The following ZC3H12C variants were observed in gnomAD, a reference collection of about 807,000 sequenced individuals.
The protein encoded by ZC3H12C is zinc finger CCCH-type containing 12C.
Under a neutral mutation model 76.3 loss-of-function variants are expected in ZC3H12C, and 20 were observed. The ratio of observed to expected loss-of-function variants is 0.26; its 90% CI spans 0.18 to 0.38. The LOEUF is 0.38. Ranked by LOEUF, ZC3H12C falls within the 10% of genes least tolerant of loss-of-function variation. The pLI, the probability that ZC3H12C is intolerant of heterozygous loss-of-function variation, is 1.00. For synonymous variants in ZC3H12C, 352 were observed against 399.6 expected (o/e 0.88, Z 1.42); for missense variants, 874 against 1,086.5 (o/e 0.80, Z 2.75).
chr11:110,154,895 A>G (rs1057377977), intron 3 of ZC3H12C, among the ~76,000 whole-genome samples: 4 of 151,578 alleles, frequency 2.6e-5, no homozygotes, highest in African/African-American at 9.7e-5. Flanking sequence ...GGAATAGACA[A>G]CTCCCAGAAT....
intron 1 of ZC3H12C, among the ~76,000 whole-genome samples, chr11:110,118,806 T>A (rs908094818): frequency 6.6e-6 from 1 of 151,912 alleles, no homozygotes. Context: ...CAAAAAAAAT[T>A]AAAATAAAAT....
chr11:110,128,887 A>G (rs1400306595), intron 1 of ZC3H12C, among the ~76,000 whole-genome samples: 2 of 112,902 alleles, frequency 1.8e-5, no homozygotes, highest in Non-Finnish European at 3.6e-5. Flanking sequence ...CACCACCACT[A>G]ACAAAAAAAA....
chr11:110,157,421 A>G (rs1327067122), intron 3 of ZC3H12C, among the ~76,000 whole-genome samples: 3 of 150,682 alleles, frequency 2.0e-5, no homozygotes. Context: ...ACTCATAGAA[A>G]GGTCTGGTCT....
At chr11:110,143,430 G>T (rs1321491418) in intron 2 of ZC3H12C, among the ~76,000 whole-genome samples, 1 of 151,440 alleles carries the variant, frequency 6.6e-6, no homozygotes, top group Non-Finnish European at 1.5e-5. Flanking sequence ...GTATAATCAG[G>T]CCTAAAATAT....
rs35959407 is a variant in ZC3H12C at position 110,164,098 on chromosome 11, CAAAA to C, written c.1256-231_1256-228del. On this transcript the variant is annotated intron_variant, in intron 5 of 5. Coordinates refer to ENST00000278590, the MANE Select transcript of ZC3H12C (RefSeq NM_033390.2). This position sits in a 1 kb window ranked among gnomAD's most constrained non-coding sequence, Gnocchi z 5.7. Reference sequence around the variant, plus strand: ...TGGGTGACAGAGCAAGACCCTGTCTCAAAAAAAAAAAAAAAGTTCTGGAGGTGAT... The same window carrying C: ...TGGGTGACAGAGCAAGACCCTGTCTCAAAAAAAAAAAGTTCTGGAGGTGAT... 7.0e-6 allele frequency among the ~76,000 whole-genome samples: 1 copy of C among 142,968 alleles called. No homozygotes were observed. 93.8% of individuals were successfully genotyped at this position (142,968 alleles called of 152,430 possible).
At chr11:110,117,850 CACAT>C (rs1197143703) in intron 1 of ZC3H12C, among the ~76,000 whole-genome samples, 1 of 123,824 alleles carries the variant, frequency 8.1e-6, no homozygotes. Flanking sequence ...TATACACACA[CACAT>C]ATATATAATA....
At chr11:110,145,204 G>A (rs1369956486) in intron 2 of ZC3H12C, among the ~76,000 whole-genome samples, 3 of 152,120 alleles carry the variant, frequency 2.0e-5, no homozygotes, top group South Asian at 2.1e-4. Flanking sequence ...TGGTGTAATA[G>A]GATACAAGAA....
chr11:110,117,832 AATAT>A (rs200265678), intron 1 of ZC3H12C, among the ~76,000 whole-genome samples: 7 of 86,550 alleles, frequency 8.1e-5, no homozygotes, highest in Non-Finnish European at 1.8e-4. Context: ...ACACACATAT[AATAT>A]ATATATACAC....
chr11:110,164,661 G>C lies in ZC3H12C; in HGVS notation c.1576G>C (p.Ala526Pro). The C allele has an allele frequency of 6.2e-7, 1 of 1,613,976 alleles. No homozygotes were observed. Among genetic ancestry groups the C allele is most frequent in the Non-Finnish European group, 8.5e-7 (1 of 1,179,876 alleles). Residue 526 changes from alanine to proline, a missense_variant, in exon 6 of 6, where the codon GCT becomes CCT. Around this residue, in one of 3 missense-constraint regions of ZC3H12C, gnomAD observed 269 missense variants for 424.9 expected, o/e 0.63. Transcript: ENST00000278590. The surrounding 1 kb of genome is among the most constrained non-coding windows in gnomAD (Gnocchi z 5.7). Reference protein sequence around the residue: ...RSVPSLVSIPATSTAKPQSTT... With the variant: ...RSVPSLVSIPPTSTAKPQSTT... Reference sequence around the variant, plus strand: ...TGTACCTTCCTTAGTTAGCATCCCAGCTACTTCTACTGCAAAACCCCAAAG... The same window carrying C: ...TGTACCTTCCTTAGTTAGCATCCCACCTACTTCTACTGCAAAACCCCAAAG...
intron 1 of ZC3H12C, among the ~76,000 whole-genome samples, chr11:110,103,451 G>C (rs907231523): frequency 5.3e-5 from 8 of 152,078 alleles, no homozygotes; most frequent in African/African-American, 1.9e-4. Flanking sequence ...ACATTTATTG[G>C]TACTAACTTT....
intron 1 of ZC3H12C, among the ~76,000 whole-genome samples, chr11:110,102,986 A>T (rs1201664993): frequency 1.3e-5 from 2 of 152,242 alleles, no homozygotes; most frequent in Non-Finnish European, 1.5e-5. Context: ...AATAGTGCAA[A>T]CATAACTTTT....
chr11:110,095,942 A>C (rs568200786), intron 1 of ZC3H12C, among the ~76,000 whole-genome samples: 1 of 152,228 alleles, frequency 6.6e-6, no homozygotes, highest in African/African-American at 2.4e-5. Flanking sequence ...AAATTAATTC[A>C]ATCAGGATTC....
In ZC3H12C at chr11:110,165,092, C is replaced by A; in HGVS notation, c.2007C>A (p.Ser669Arg). ...AGTGTCAACACATGCACCCTCACAG[C>A]CGCCTTAATCCTCAACCGTTCCTGC... Reference protein sequence around the residue: ...NLKCQHMHPHSRLNPQPFLQN... With the variant: ...NLKCQHMHPHRRLNPQPFLQN... Residue 669 changes from serine (S) to arginine (R), a missense_variant, in exon 6 of 6, where the codon AGC (serine) becomes AGA (arginine). This residue lies in a region of ZC3H12C where 395 missense variants were observed against 434.4 expected (regional missense o/e 0.91). Transcript: ENST00000278590. 1 of 1,613,722 alleles carries A rather than the reference C, an allele frequency of 6.2e-7. No individual in the cohort carries two copies. The highest frequency in any genetic ancestry group is 8.5e-7 in the Non-Finnish European group (1 of 1,179,888).
In ZC3H12C at chr11:110,139,832, A is replaced by G. The variant is rs1014098720; in HGVS notation, c.773+2418A>G. The stretch of plus-strand genomic sequence containing the variant: ...TTTGTAGAATATAGAATTAGTCTCT[A>G]TCCACATGTACCCTCTAGTTTAAAT... On this transcript the variant is annotated intron_variant, in intron 2 of 5. Coordinates refer to ENST00000278590, the MANE Select transcript of ZC3H12C (RefSeq NM_033390.2). Among the ~76,000 whole-genome samples, 6 of 149,774 alleles carry G rather than the reference A, an allele frequency of 4.0e-5. 1 individual carries two copies. The highest frequency in any genetic ancestry group is 4.0e-4 in the Admixed American group (6 of 15,048).
rs1358629994 is a variant in ZC3H12C, at chr11:110,136,834, A to T, written c.193A>T (p.Asn65Tyr). The T allele has an allele frequency of 6.2e-7, 1 of 1,613,936 alleles. No homozygotes were observed. The highest frequency in any genetic ancestry group is 8.5e-7 in the Non-Finnish European group (1 of 1,179,882). The change falls in exon 2 of 6, where the codon AAC (asparagine) becomes TAC (tyrosine). Residue 65 changes from asparagine to tyrosine, a missense_variant. Asn to Tyr is a moderately radical substitution (Grantham distance 143, BLOSUM62 -2). This residue lies in a region of ZC3H12C where 210 missense variants were observed against 227.1 expected (regional missense o/e 0.92). Transcript: ENST00000278590. ...AGCTGTACCTTGGTCAACAGTAGAA[A>T]ACCCAAGTATGGATACCGTTAATGT... ...SPAVPWSTVE[N>Y]PSMDTVNVGK...
chr11:110,163,616 C>T (rs373130639), intron 5 of ZC3H12C, among the ~76,000 whole-genome samples: 3 of 152,218 alleles, frequency 2.0e-5, no homozygotes, highest in African/African-American at 4.8e-5. Flanking sequence ...GTTAATTCTA[C>T]GTGAAGTTAG....
chr11:110,163,820 T>C (rs1565270005), intron 5 of ZC3H12C, among the ~76,000 whole-genome samples: 1 of 152,134 alleles, frequency 6.6e-6, no homozygotes, highest in South Asian at 2.1e-4. Flanking sequence ...TGGAAGTGGC[T>C]GGGTGCAGTG....
At chr11:110,117,631 A>C (rs961762412) in intron 1 of ZC3H12C, among the ~76,000 whole-genome samples, 5 of 146,804 alleles carry the variant, frequency 3.4e-5, no homozygotes, top group Non-Finnish European at 7.4e-5. Context: ...AATTTGTCCC[A>C]CATGAGATAT....
intron 4 of ZC3H12C, among the ~76,000 whole-genome samples, chr11:110,160,656 T>C (rs1478139097): frequency 6.6e-6 from 1 of 152,180 alleles, no homozygotes; most frequent in Non-Finnish European, 1.5e-5. Flanking sequence ...GTACTATGCG[T>C]GGAGCTGTCA....
Sources: gnomAD v4.1 joint callset for allele counts (sites outside exome capture counted in the v4.1 genomes callset) on GRCh38, gnomAD v4.1.1 for gene constraint, gnomAD v4.1.1 regional missense constraint, Gnocchi (gnomAD v3.1) non-coding constraint, MANE v1.5 for transcripts, NCBI Gene and HGNC (gene_info 2026-07-23, HGNC 2026-07-21) for gene names.